Variants in GRM5 observed in about 807,000 individuals in gnomAD.
The protein encoded by GRM5 is metabotropic glutamate receptor 5.
GRM5 carries 19 observed loss-of-function variants against 83.1 expected under a neutral mutation model. The observed-to-expected ratio is 0.23, with a 90% CI of 0.16 to 0.34. GRM5 has a LOEUF of 0.34. Among genes scored for constraint, GRM5 ranks in the 10% least tolerant of loss-of-function variants. The pLI, the probability that GRM5 is intolerant of heterozygous loss-of-function variation, is 1.00. For missense variants in GRM5, 1,160 were observed against 1,588.3 expected (o/e 0.73, Z 4.58); for synonymous variants, 675 against 633.6 (o/e 1.07, Z -0.98).
intron 2 of GRM5, among the ~76,000 whole-genome samples, chr11:88,991,495 A>C (rs1939969641): frequency 6.6e-6 from 1 of 151,942 alleles, no homozygotes; most frequent in Non-Finnish European, 1.5e-5. Context: ...CTTTCTTCAC[A>C]GAATTGGAAA....
intron 3 of GRM5, among the ~76,000 whole-genome samples, chr11:88,704,796 C>T (rs573847726): frequency 6.6e-6 from 1 of 152,048 alleles, no homozygotes; most frequent in East Asian, 1.9e-4. Context: ...TCGCTCTATA[C>T]TTTTTCTGTT....
intron 3 of GRM5, among the ~76,000 whole-genome samples, chr11:88,779,410 G>C (rs554603078): frequency 6.6e-6 from 1 of 152,066 alleles, no homozygotes; most frequent in Non-Finnish European, 1.5e-5. Flanking sequence ...ATCAGACTCC[G>C]CTGGGTTTAG....
chr11:88,688,373 A>C (rs1449397457), intron 3 of GRM5, among the ~76,000 whole-genome samples: 1 of 152,212 alleles, frequency 6.6e-6, no homozygotes, highest in African/African-American at 2.4e-5. Context: ...ATTTACAACT[A>C]TAATAAGTGC....
chr11:88,877,833 A>AAC (rs1389545897), intron 2 of GRM5, among the ~76,000 whole-genome samples: 1 of 142,486 alleles, frequency 7.0e-6, no homozygotes, highest in African/African-American at 2.5e-5. Context: ...GTGGAAGAAA[A>AAC]AAAAAAAAGC....
chr11:88,802,161 G>C (rs947632207), intron 3 of GRM5, among the ~76,000 whole-genome samples: 1 of 152,088 alleles, frequency 6.6e-6, no homozygotes, highest in Non-Finnish European at 1.5e-5. Flanking sequence ...CAACATTAAA[G>C]AGTAGGGTCA....
intron 7 of GRM5, among the ~76,000 whole-genome samples, chr11:88,574,485 G>A (rs939963600): frequency 6.6e-6 from 1 of 151,994 alleles, no homozygotes; most frequent in Non-Finnish European, 1.5e-5. Context: ...AATATTCCTC[G>A]TGGGCAGGTG....
intron 2 of GRM5, among the ~76,000 whole-genome samples, chr11:88,896,906 C>G (rs565997751): frequency 1.3e-5 from 2 of 151,970 alleles, no homozygotes; most frequent in Non-Finnish European, 2.9e-5. Flanking sequence ...GAGCACCCTG[C>G]AATCCAGTCA....
At chr11:88,578,724 A>T (rs1208102590) in intron 7 of GRM5, among the ~76,000 whole-genome samples, 1 of 152,184 alleles carries the variant, frequency 6.6e-6, no homozygotes, top group Admixed American at 6.5e-5. Flanking sequence ...GAACGTTGAG[A>T]AATTGGAAGA....
rs192143570 is a variant in GRM5, at chr11:88,628,852, G to T, written c.1148-23888C>A. On this transcript the variant is annotated intron_variant, in intron 4 of 9. Coordinates refer to ENST00000305447, the MANE Select transcript of GRM5 (RefSeq NM_001143831.3). The stretch of plus-strand genomic sequence containing the variant: ...TCTTTTAAGTGACTCAGAGAGCCAA[G>T]CTCTTTCTAACACATGATTTTGCCA... Among the ~76,000 whole-genome samples, 463 of 152,280 alleles carry T rather than the reference G, an allele frequency of 3.0e-3. 2 individuals are homozygous for T. The highest frequency in any genetic ancestry group is 5.3e-3 in the Non-Finnish European group (360 of 68,020).
intron 3 of GRM5, among the ~76,000 whole-genome samples, chr11:88,700,430 T>G (rs992560198): frequency 6.6e-6 from 1 of 152,148 alleles, no homozygotes; most frequent in Non-Finnish European, 1.5e-5. Context: ...TTACTGCCAC[T>G]TTCAAAACTA....
chr11:88,952,253 C>T (rs1321283020), intron 2 of GRM5, among the ~76,000 whole-genome samples: 3 of 152,200 alleles, frequency 2.0e-5, no homozygotes, highest in Non-Finnish European at 4.4e-5. Flanking sequence ...ATCTCCTATA[C>T]ATCTTTCAGG....
intron 4 of GRM5, among the ~76,000 whole-genome samples, chr11:88,638,998 T>C (rs1939216271): frequency 6.6e-6 from 1 of 152,194 alleles, no homozygotes; most frequent in Non-Finnish European, 1.5e-5. Flanking sequence ...TATTTACTTT[T>C]TCTACTTACT....
At chr11:88,830,024 G>T (rs1943958567) in intron 3 of GRM5, among the ~76,000 whole-genome samples, 1 of 151,632 alleles carries the variant, frequency 6.6e-6, no homozygotes. Context: ...GAAGGGAGAG[G>T]AGAAGGTAGA....
chr11:89,010,177 C>T (rs888505196), intron 2 of GRM5, among the ~76,000 whole-genome samples: 15 of 151,646 alleles, frequency 9.9e-5, no homozygotes, highest in Non-Finnish European at 1.0e-4. Flanking sequence ...AAGATCATGG[C>T]CTATTATACA....
intron 3 of GRM5, among the ~76,000 whole-genome samples, chr11:88,779,480 T>C (rs960090430): frequency 3.3e-5 from 5 of 152,192 alleles, no homozygotes; most frequent in Non-Finnish European, 5.9e-5. Context: ...AGATAAGTGC[T>C]CAGTTTTCCT....
intron 2 of GRM5, among the ~76,000 whole-genome samples, chr11:88,887,848 TAGATCC>T (rs1346831180): frequency 1.3e-5 from 2 of 152,126 alleles, no homozygotes; most frequent in Non-Finnish European, 2.9e-5. Flanking sequence ...GCCTTTTTAC[TAGATCC>T]TTGCAAGCAC....
At chr11:89,029,222 C>T (rs992947870) in intron 2 of GRM5, among the ~76,000 whole-genome samples, 3 of 152,074 alleles carry the variant, frequency 2.0e-5, no homozygotes, top group African/African-American at 7.2e-5. Context: ...GAATTTGTAA[C>T]ACAAATAAGC....
intron 2 of GRM5, among the ~76,000 whole-genome samples, chr11:89,005,854 G>C (rs10466338): frequency 0.099 from 15,054 of 152,100 alleles, 2,410 homozygotes; most frequent in African/African-American, 0.34. Context: ...CTACCATATT[G>C]TTGTCATTTT....
intron 2 of GRM5, among the ~76,000 whole-genome samples, chr11:88,933,583 T>C (rs1937791514): frequency 1.3e-5 from 2 of 151,902 alleles, no homozygotes; most frequent in African/African-American, 4.8e-5. Flanking sequence ...CCATGTCACA[T>C]ATTCAATTTA....
Sources: allele counts gnomAD v4.1 joint callset (sites outside exome capture counted in the v4.1 genomes callset), GRCh38; gene constraint gnomAD v4.1.1; transcripts MANE v1.5; gene names NCBI Gene and HGNC (gene_info 2026-07-23, HGNC 2026-07-21).